The following EXD3 variants were observed in gnomAD, a reference collection of about 807,000 sequenced individuals.
EXD3 encodes the protein exonuclease 3'-5' domain containing 3, also known as exonuclease mut-7 homolog.
EXD3 carries 92 observed loss-of-function variants against 98.0 expected under a neutral mutation model. That is an observed-to-expected ratio of 0.94 (90% CI 0.79 to 1.12). EXD3 has a LOEUF of 1.12. Ranked by LOEUF, EXD3 falls within the 50% of genes most tolerant of loss-of-function variation. The pLI, the probability that EXD3 is intolerant of heterozygous loss-of-function variation, is 0.00. For missense variants in EXD3, 1,222 were observed against 1,191.6 expected (o/e 1.03, Z -0.38); for synonymous variants, 569 against 526.0 (o/e 1.08, Z -1.12).
rs1460868843 is a variant in EXD3, at chr9:137,352,625, CT to C, written c.1031del (p.Gln344ArgfsTer13). On this transcript the variant is annotated frameshift_variant, in exon 11 of 22. Transcript: ENST00000340951. LOFTEE classifies it high-confidence loss of function. ...GTCACCCTGGCGGCGCTCACCTCCC[CT>C]GGAGCCTGAACCGGCGGAGTTCCAC... Reference protein sequence around the residue: ...VAVELRRFRLQGRATEADSRL... With the variant: ...VAVELRRFRLXGRATEADSRL... 28 of 1,544,902 alleles carry C rather than the reference CT, an allele frequency of 1.8e-5. No homozygotes were observed. Among genetic ancestry groups the C allele is most frequent in the Non-Finnish European group, 2.4e-5 (27 of 1,145,094 alleles).
In EXD3 at chr9:137,353,005, T is replaced by C. The variant is rs542962658; in HGVS notation, c.871-219A>G. ...GATAGAGGTGCTGAGGCAAAGGCTG[T>C]CCACCCCAGTGTAGCCCCGGCTGGC... On this transcript the variant is annotated intron_variant, in intron 10 of 21. Transcript: ENST00000340951. 2.8e-5 allele frequency: 38 copies of C among 1,378,342 alleles called. No individual in the cohort carries two copies. In the African/African-American group the frequency reaches 4.9e-4, roughly 18 times the overall value. The allele number at this position is 1,378,342 out of a possible 1,614,324, so 85.4% of individuals were successfully genotyped here. A position where few individuals can be genotyped will look rare whatever the true frequency, so the allele number is the denominator to read the frequency against.
rs754811360 is a variant in EXD3, at chr9:137,306,920, G to T, written c.*30C>A. 3 of 1,532,284 alleles carry T rather than the reference G, an allele frequency of 2.0e-6. No individual in the cohort carries two copies. Among genetic ancestry groups the T allele is most frequent in the Non-Finnish European group, 2.6e-6 (3 of 1,139,084 alleles). 94.9% of individuals were successfully genotyped at this position (1,532,284 alleles called of 1,614,324 possible). A position where few individuals can be genotyped will look rare whatever the true frequency, so the allele number is the denominator to read the frequency against. On this transcript the variant is annotated 3_prime_UTR_variant, in exon 22 of 22. Coordinates refer to ENST00000340951, the MANE Select transcript of EXD3 (RefSeq NM_017820.5). ...CCACGGCCATGGGCCCAGCAGTCGG[G>T]CACTTTCCATGTTTATTGTCTGGCT...
At chr9:137,382,769 G>A (rs946130748) in intron 3 of EXD3, among the ~76,000 whole-genome samples, 8 of 152,278 alleles carry the variant, frequency 5.3e-5, no homozygotes, top group Admixed American at 3.3e-4. Flanking sequence ...GCCAGAGGAC[G>A]CGGCACTCAG....
chr9:137,362,671 A>G (rs1303184750), intron 7 of EXD3, among the ~76,000 whole-genome samples: 5 of 152,046 alleles, frequency 3.3e-5, no homozygotes, highest in Admixed American at 2.0e-4. Context: ...CCCTTTGCCC[A>G]TTTTAACTTG....
At chr9:137,379,185 G>A (rs111899284) in intron 3 of EXD3, among the ~76,000 whole-genome samples, 90 of 22,054 alleles carry the variant, frequency 4.1e-3, no homozygotes, top group African/African-American at 0.014. Context: ...CGAGGGGAAT[G>A]GGGGCGTCTG....
chr9:137,398,942 GCGTCCCCAAGACA>G (rs1837357642), intron 1 of EXD3, among the ~76,000 whole-genome samples: 2 of 149,388 alleles, frequency 1.3e-5, no homozygotes, highest in African/African-American at 5.0e-5. Flanking sequence ...ATGTGCACCC[GCGTCCCCAAGACA>G]CATCCCCAAG....
At chr9:137,318,222 G>A (rs564917351) in intron 19 of EXD3, among the ~76,000 whole-genome samples, 21 of 152,190 alleles carry the variant, frequency 1.4e-4, no homozygotes, top group Non-Finnish European at 2.6e-4. Flanking sequence ...CCCCCTCTTG[G>A]ACCCCTGTCT....
At chr9:137,398,468 G>A (rs1309217798) in intron 1 of EXD3, among the ~76,000 whole-genome samples, 2 of 152,196 alleles carry the variant, frequency 1.3e-5, no homozygotes, top group Non-Finnish European at 2.9e-5. Flanking sequence ...GAGGAGCACT[G>A]AGTAGCCCTT....
chr9:137,403,975 C>T lies in EXD3; in HGVS notation c.-47-8571G>A, dbSNP rs904732723. On this transcript the variant is annotated intron_variant, in intron 1 of 21. Transcript: ENST00000340951. This position sits in a 1 kb window ranked among gnomAD's most constrained non-coding sequence, Gnocchi z 6.1. ...GCCGTACAAAGCACCACACACAGGG[C>T]GCGAGTGACAGGGACGTGTGTCCTC... 2.7e-5 allele frequency among the ~76,000 whole-genome samples: 4 copies of T among 150,272 alleles called. No homozygotes were observed. Among genetic ancestry groups the T allele is most frequent in the African/African-American group, 7.3e-5 (3 of 40,982 alleles).
intron 19 of EXD3, among the ~76,000 whole-genome samples, chr9:137,316,562 G>A (rs1053961927): frequency 6.6e-6 from 1 of 152,214 alleles, no homozygotes; most frequent in African/African-American, 2.4e-5. Context: ...CCCAGTGCCC[G>A]GGAGGCAGGG....
Position 137,393,086 on chromosome 9 carries a change from G to A in EXD3, c.55+2217C>T, listed in dbSNP as rs1379155036. ...TCCAGGGGGCACCGAGGCTGTTCTC[G>A]GTGGGGGTGCCGTGTCTGTTCCAGG... On this transcript the variant is annotated intron_variant, in intron 2 of 21. Coordinates refer to ENST00000340951, the MANE Select transcript of EXD3 (RefSeq NM_017820.5). This position sits in a 1 kb window ranked among gnomAD's most constrained non-coding sequence, Gnocchi z 4.6. 1.8e-5 allele frequency: 12 copies of A among 662,456 alleles called. No individual in the cohort carries two copies. The highest frequency in any genetic ancestry group is 6.5e-5 in the Admixed American group (3 of 46,108). The allele number at this position is 662,456 out of a possible 1,614,324, so 41.0% of individuals were successfully genotyped here.
chr9:137,334,490 A>C (rs892321065), intron 17 of EXD3, among the ~76,000 whole-genome samples: 3 of 152,108 alleles, frequency 2.0e-5, no homozygotes, highest in African/African-American at 7.2e-5. Flanking sequence ...AGAAAAAGAC[A>C]CCCTATCTAG....
chr9:137,346,866 T>G (rs1833964891), intron 17 of EXD3, among the ~76,000 whole-genome samples: 1 of 152,196 alleles, frequency 6.6e-6, no homozygotes, highest in Non-Finnish European at 1.5e-5. Context: ...CAGGCTGGAG[T>G]GCAGTGGTGC....
In EXD3 at chr9:137,349,616, G is replaced by T. The variant is rs1461730291; in HGVS notation, c.1495-85C>A. On this transcript the variant is annotated intron_variant, in intron 14 of 21. Coordinates refer to ENST00000340951, the MANE Select transcript of EXD3 (RefSeq NM_017820.5). This position sits in a 1 kb window ranked among gnomAD's most constrained non-coding sequence, Gnocchi z 7.4. ...TGCCCACTCACACCAGCCCTGCGGG[G>T]GCTCTGGAGGAGGCCCCGCCCCCTC... 1.5e-6 allele frequency: 2 copies of T among 1,376,064 alleles called. No individual in the cohort carries two copies. The highest frequency in any genetic ancestry group is 1.9e-6 in the Non-Finnish European group (2 of 1,051,984). The allele number at this position is 1,376,064 out of a possible 1,614,324, so 85.2% of individuals were successfully genotyped here.
At chr9:137,415,045 G>A (rs1838173245) in intron 1 of EXD3, among the ~76,000 whole-genome samples, 1 of 151,174 alleles carries the variant, frequency 6.6e-6, no homozygotes, top group Admixed American at 6.6e-5. Context: ...CTGCCACCAC[G>A]CCCAGCTAAT....
chr9:137,366,202 T>C (rs1446535319), intron 7 of EXD3: 1 of 702,474 alleles, frequency 1.4e-6, no homozygotes, highest in East Asian at 2.7e-5. Flanking sequence ...AAGAAAGCAG[T>C]ACGGTTGCCA....
At chr9:137,329,022 A>G (rs1374234743) in intron 17 of EXD3, among the ~76,000 whole-genome samples, 2 of 480 alleles carry the variant, frequency 4.2e-3, no homozygotes, top group Admixed American at 0.024. Flanking sequence ...GCTACACGGG[A>G]GCTACACGGG....
Position 137,349,314 on chromosome 9 carries a change from A to T in EXD3, c.1658-32T>A. The T allele has an allele frequency of 1.3e-6, 2 of 1,552,438 alleles. No individual in the cohort carries two copies. Among genetic ancestry groups the T allele is most frequent in the Non-Finnish European group, 1.7e-6 (2 of 1,154,380 alleles). ...GGGGAGTCGGCCTCAGCCTCCCGGGACAGAGGGCGGGAGGGGCGTGAGGAG... is the reference window on the plus strand; with the variant it reads ...GGGGAGTCGGCCTCAGCCTCCCGGGTCAGAGGGCGGGAGGGGCGTGAGGAG... On this transcript the variant is annotated intron_variant, in intron 15 of 21. Coordinates refer to ENST00000340951, the MANE Select transcript of EXD3 (RefSeq NM_017820.5). The surrounding 1 kb of genome is among the most constrained non-coding windows in gnomAD (Gnocchi z 7.4).
intron 17 of EXD3, among the ~76,000 whole-genome samples, chr9:137,346,653 C>T (rs1338940432): frequency 4.6e-5 from 7 of 152,218 alleles, no homozygotes; most frequent in East Asian, 1.9e-4. Flanking sequence ...TTTTAATGTC[C>T]GTATTTCCAC....
Sources: allele counts gnomAD v4.1 joint callset (sites outside exome capture counted in the v4.1 genomes callset), GRCh38; gene constraint gnomAD v4.1.1; non-coding constraint Gnocchi (gnomAD v3.1); transcripts MANE v1.5; gene names NCBI Gene and HGNC (gene_info 2026-07-23, HGNC 2026-07-21).